SCAF8: variants seen among roughly 807,000 people sequenced by gnomAD.
SCAF8 encodes SR-related and CTD-associated factor 8.
SCAF8 carries 23 observed loss-of-function variants against 140.5 expected under a neutral mutation model. That is an observed-to-expected ratio of 0.16 (90% CI 0.12 to 0.23). The LOEUF is 0.23. Ranked by LOEUF, SCAF8 falls within the 10% of genes least tolerant of loss-of-function variation. The pLI is 1.00. For missense variants in SCAF8, 1,397 were observed against 1,555.7 expected, an observed-to-expected ratio of 0.90 and a Z score of 1.72; for synonymous variants, 575 against 528.9, an observed-to-expected ratio of 1.09 and a Z score of -1.20.
chr6:154,818,620 GT>G (rs1562462469), intron 14 of SCAF8, 28 bp downstream of exon 14: 1 of 1,150,632 alleles, frequency 8.7e-7, no homozygotes, highest in East Asian at 2.4e-5. Flanking sequence ...GGAACTTGGG[GT>G]AGGGGGGCAG....
chr6:154,793,905 G>A (rs6940633), intron 5 of SCAF8, among the ~76,000 whole-genome samples: 3 of 149,328 alleles, frequency 2.0e-5, no homozygotes, highest in African/African-American at 5.0e-5. Context: ...TGTATTTTGT[G>A]TGTGTGTGTG....
At chr6:154,733,399 C>T (rs1778308956), upstream of SCAF8, 3 of 1,382,634 alleles carry the variant, frequency 2.2e-6, no homozygotes, top group South Asian at 3.1e-5. Context: ...AACTGCGCGG[C>T]CCGACTCGAG....
chr6:154,737,291 C>T (rs1274597085), intron 1 of SCAF8, among the ~76,000 whole-genome samples: 3 of 152,216 alleles, frequency 2.0e-5, no homozygotes, highest in East Asian at 3.8e-4. Context: ...ATTGAATTGT[C>T]AATTCCATTT....
At chr6:154,829,014 G>A (rs1778650232) in intron 18 of SCAF8, among the ~76,000 whole-genome samples, 1 of 152,070 alleles carries the variant, frequency 6.6e-6, no homozygotes, top group African/African-American at 2.4e-5. Context: ...TCCCAAAGGT[G>A]TATAATCATA....
chr6:154,832,912 T>C lies in SCAF8; in HGVS notation c.3333T>C (p.Gly1111=), dbSNP rs139182793. 3.7e-6 allele frequency: 6 copies of C among 1,614,012 alleles called. No individual in the cohort carries two copies. The African/African-American group carries it at 6.7e-5, about 18-fold the overall frequency. The change falls in exon 20 of 20, where the codon GGT becomes GGC. Residue 1111 remains glycine (G), a synonymous_variant. Coordinates refer to ENST00000367178, the MANE Select transcript of SCAF8 (RefSeq NM_014892.5). ...EREHRVLPVY[G]GPKGLHEERG... is the part of the protein sequence containing the mutation. ...AGCATCGGGTTCTACCGGTCTATGG[T>C]GGTCCAAAAGGCTTACATGAAGAAA...
intron 18 of SCAF8, among the ~76,000 whole-genome samples, chr6:154,827,930 C>T (rs921718191): frequency 4.6e-5 from 7 of 152,170 alleles, no homozygotes; most frequent in African/African-American, 1.4e-4. Flanking sequence ...CATAAGCCCC[C>T]ACCCACCACA....
chr6:154,782,686 G>A (rs1264248619), intron 3 of SCAF8, among the ~76,000 whole-genome samples: 1 of 152,180 alleles, frequency 6.6e-6, no homozygotes, highest in Non-Finnish European at 1.5e-5. Flanking sequence ...CTGTCTGCAA[G>A]CTTGAGGTGC....
chr6:154,823,055 G>T (rs936245889), intron 16 of SCAF8, among the ~76,000 whole-genome samples: 3 of 152,194 alleles, frequency 2.0e-5, no homozygotes, highest in Non-Finnish European at 2.9e-5. Context: ...AGTTAACCAT[G>T]TGGATATCTG....
Position 154,815,329 on chromosome 6 carries a change from A to G in SCAF8, c.1421-387A>G, listed in dbSNP as rs78486424. 2.3e-3 allele frequency among the ~76,000 whole-genome samples: 357 copies of G among 152,306 alleles called. 2 individuals are homozygous for G. The East Asian group carries it at 0.029, about 13-fold the overall frequency. ...TAAATAAATAAATAAAAGGTTCACA[A>G]ATGGGATTACGGTGAGAAGTGGGTT... On this transcript the variant is annotated intron_variant, in intron 12 of 19. Coordinates refer to ENST00000367178, the MANE Select transcript of SCAF8 (RefSeq NM_014892.5).
rs758715212 is a variant in SCAF8 at position 154,815,717 on chromosome 6, A to G, written c.1422A>G (p.Val474=). The change falls in exon 13 of 20, where the codon GTA becomes GTG. Residue 474 remains valine, a splice_region_variant and synonymous_variant. Transcript: ENST00000367178. ...CATTTGTCTCTTGTGTCTTGACAGT[A>G]TGTAGTACTACTCTCTGGGTTGGGC... ...LPPIRSKTLS[V]CSTTLWVGQV... The G allele has an allele frequency of 2.5e-6, 4 of 1,586,382 alleles. No homozygotes were observed. The highest frequency in any genetic ancestry group is 2.2e-5 in the East Asian group (1 of 44,582).
In SCAF8 at chr6:154,833,131, A is replaced by G; in HGVS notation, c.3552A>G (p.Gln1184=). 1.9e-6 allele frequency: 3 copies of G among 1,614,148 alleles called. No individual in the cohort carries two copies. Among genetic ancestry groups the G allele is most frequent in the Non-Finnish European group, 2.5e-6 (3 of 1,180,010 alleles). ...ATCGTCTTGGACGAGACAGAATTCA[A>G]AACACTTGGGTTCCCCCTCCTCATG... ...NGNRLGRDRI[Q]NTWVPPPHAR... The change falls in exon 20 of 20, where the codon CAA becomes CAG. Residue 1184 remains glutamine (Q), a synonymous_variant. Transcript: ENST00000367178.
At chr6:154,827,551 T>C (rs1479900632) in intron 18 of SCAF8, among the ~76,000 whole-genome samples, 2 of 152,164 alleles carry the variant, frequency 1.3e-5, no homozygotes, top group South Asian at 2.1e-4. Context: ...AGTCCTCCCT[T>C]CCTTTTCTTA....
rs377249549 is a variant in SCAF8, at chr6:154,830,982, G to A, written c.2201G>A (p.Ser734Asn). The change falls in exon 19 of 20, where the codon AGC (serine) becomes AAC (asparagine). Residue 734 changes from serine to asparagine, a missense_variant. Ser to Asn is a conservative substitution (Grantham distance 46). Coordinates refer to ENST00000367178, the MANE Select transcript of SCAF8 (RefSeq NM_014892.5). ...ACTGTGAAAGATGTTGGATTTGGTA[G>A]CCTTGTTATACCAGGCGGTTCTGTT... is the stretch of plus-strand genomic sequence containing the variant. ...PETVKDVGFG[S>N]LVIPGGSVAS... The A allele has an allele frequency of 3.7e-5, 59 of 1,613,954 alleles. No individual in the cohort carries two copies. The highest frequency in any genetic ancestry group is 4.5e-5 in the Non-Finnish European group (53 of 1,179,966).
intron 9 of SCAF8, among the ~76,000 whole-genome samples, chr6:154,806,215 T>C (rs778260955): frequency 6.6e-6 from 1 of 152,214 alleles, no homozygotes; most frequent in Non-Finnish European, 1.5e-5. Context: ...TTGATAATCT[T>C]TGACAAAATA....
In SCAF8 at chr6:154,832,196, C is replaced by T. The variant is rs560870166; in HGVS notation, c.2617C>T (p.Pro873Ser). 11 of 1,614,048 alleles carry T rather than the reference C, an allele frequency of 6.8e-6. No individual in the cohort carries two copies. The African/African-American group carries it at 1.2e-4, about 18-fold the overall frequency. ...TAGTTCTGGACTTTTGGGAGTGCTACCCCCAAATATACCTAACAATTCTGG... is the reference window on the plus strand; with the variant it reads ...TAGTTCTGGACTTTTGGGAGTGCTATCCCCAAATATACCTAACAATTCTGG... ...SNSSGLLGVL[P>S]PNIPNNSGLV... Residue 873 changes from proline to serine, a missense_variant, in exon 20 of 20, where the codon CCC (proline) becomes TCC (serine). This residue lies in a region of SCAF8 where 930 missense variants were observed against 874.6 expected (regional missense o/e 1.06). Coordinates refer to ENST00000367178, the MANE Select transcript of SCAF8 (RefSeq NM_014892.5).
At chr6:154,750,874 T>C (rs1404413620) in intron 1 of SCAF8, among the ~76,000 whole-genome samples, 2 of 152,160 alleles carry the variant, frequency 1.3e-5, no homozygotes, top group African/African-American at 4.8e-5. Flanking sequence ...AAATGAATTA[T>C]TCTTTTTCTT....
intron 1 of SCAF8, among the ~76,000 whole-genome samples, chr6:154,765,384 G>C (rs1776532759): frequency 6.6e-6 from 1 of 152,096 alleles, no homozygotes; most frequent in South Asian, 2.1e-4. Context: ...CATGTGCTGG[G>C]TTCACATTAG....
intron 6 of SCAF8, among the ~76,000 whole-genome samples, chr6:154,797,086 C>T (rs542470248): frequency 5.3e-5 from 8 of 151,802 alleles, no homozygotes; most frequent in Non-Finnish European, 7.4e-5. Context: ...TATTCACTTA[C>T]GCTACCTTTC....
At chr6:154,775,744 GT>G (rs536584892) in intron 2 of SCAF8, among the ~76,000 whole-genome samples, 1 of 151,766 alleles carries the variant, frequency 6.6e-6, no homozygotes, top group Non-Finnish European at 1.5e-5. Context: ...GGCTCTTAAA[GT>G]TTTTTTAAAA....
Sources: gnomAD v4.1 joint callset for allele counts (sites outside exome capture counted in the v4.1 genomes callset) on GRCh38, gnomAD v4.1.1 for gene constraint, gnomAD v4.1.1 regional missense constraint, MANE v1.5 for transcripts, NCBI Gene and HGNC (gene_info 2026-07-23, HGNC 2026-07-21) for gene names.